The following MED27 variants were observed in gnomAD, a reference collection of about 807,000 sequenced individuals.
MED27 encodes mediator of RNA polymerase II transcription subunit 27.
Under a neutral mutation model 38.2 loss-of-function variants are expected in MED27, and 30 were observed. The observed-to-expected ratio is 0.79, with a 90% CI of 0.59 to 1.07. MED27 has a LOEUF of 1.07. Ranked by LOEUF, MED27 falls within the 50% of genes least tolerant of loss-of-function variation. The probability of loss-of-function intolerance (pLI) is 0.00; values close to 1 mark genes in which losing one functional copy is unlikely to be tolerated. For synonymous variants in MED27, 122 were observed against 153.5 expected, an observed-to-expected ratio of 0.79 and a Z score of 1.52; for missense variants, 289 against 397.5, an observed-to-expected ratio of 0.73 and a Z score of 2.32.
intron 4 of MED27, among the ~76,000 whole-genome samples, chr9:131,911,137 C>T (rs865831407): frequency 8.5e-5 from 13 of 152,050 alleles, no homozygotes; most frequent in African/African-American, 2.7e-4. Context: ...CAATAGTGCA[C>T]CAATAAAGAG....
chr9:131,911,489 G>A (rs1830187104), intron 4 of MED27, among the ~76,000 whole-genome samples: 1 of 152,176 alleles, frequency 6.6e-6, no homozygotes, highest in South Asian at 2.1e-4. Context: ...TAAGGGTTTG[G>A]AACAATGGGT....
At chr9:131,903,125 G>A (rs528058779) in intron 4 of MED27, among the ~76,000 whole-genome samples, 4 of 152,284 alleles carry the variant, frequency 2.6e-5, no homozygotes, top group South Asian at 2.1e-4. Flanking sequence ...AGACATAACC[G>A]ACATTGGGCA....
chr9:132,068,149 G>A (rs1475939793), intron 2 of MED27, among the ~76,000 whole-genome samples: 1 of 152,114 alleles, frequency 6.6e-6, no homozygotes, highest in African/African-American at 2.4e-5. Flanking sequence ...GGCCTGTGCT[G>A]GGGCTGCTAA....
At chr9:132,065,284 G>A (rs1014825431) in intron 2 of MED27, among the ~76,000 whole-genome samples, 2 of 152,198 alleles carry the variant, frequency 1.3e-5, no homozygotes, top group Non-Finnish European at 2.9e-5. Context: ...TAAGTAATCA[G>A]TAATCAGTGA....
chr9:131,900,624 T>C (rs571781275), intron 4 of MED27, among the ~76,000 whole-genome samples: 1 of 152,100 alleles, frequency 6.6e-6, no homozygotes, highest in East Asian at 1.9e-4. Flanking sequence ...AAAACTTACC[T>C]GCACGAGGAA....
At chr9:132,069,091 T>C (rs928093546) in intron 2 of MED27, among the ~76,000 whole-genome samples, 2 of 152,162 alleles carry the variant, frequency 1.3e-5, no homozygotes, top group Admixed American at 6.5e-5. Context: ...GAAGAGGAAA[T>C]GCCCTTCATA....
At chr9:132,012,736 T>C (rs1413687677) in intron 3 of MED27, among the ~76,000 whole-genome samples, 2 of 152,144 alleles carry the variant, frequency 1.3e-5, no homozygotes, top group African/African-American at 4.8e-5. Context: ...GCACTAAGCA[T>C]AACTACAAAT....
chr9:131,908,683 C>T (rs1216764192), intron 4 of MED27, among the ~76,000 whole-genome samples: 2 of 152,066 alleles, frequency 1.3e-5, no homozygotes, highest in Non-Finnish European at 2.9e-5. Context: ...AGGCAGCATG[C>T]TCGTTAAGAG....
At chr9:131,957,664 C>T (rs529205902) in intron 3 of MED27, among the ~76,000 whole-genome samples, 11 of 152,262 alleles carry the variant, frequency 7.2e-5, no homozygotes, top group African/African-American at 2.4e-4. Context: ...CAATGAAATA[C>T]TACTCCATAA....
chr9:132,041,743 A>T (rs1488351573), intron 2 of MED27, among the ~76,000 whole-genome samples: 1 of 152,268 alleles, frequency 6.6e-6, no homozygotes, highest in Non-Finnish European at 1.5e-5. Context: ...GCCAAAGTCC[A>T]AATCAGTACG....
chr9:131,874,151 C>T (rs373559754), intron 6 of MED27, among the ~76,000 whole-genome samples: 20 of 152,346 alleles, frequency 1.3e-4, no homozygotes, highest in South Asian at 1.0e-3. Flanking sequence ...ATCCGCCTCC[C>T]GCCCCAACAC....
chr9:131,995,433 C>T (rs1220760017), intron 3 of MED27, among the ~76,000 whole-genome samples: 4 of 152,080 alleles, frequency 2.6e-5, no homozygotes, highest in Non-Finnish European at 5.9e-5. Flanking sequence ...ATGACAGAGA[C>T]CATCATCAAG....
intron 4 of MED27, among the ~76,000 whole-genome samples, chr9:131,908,217 C>A (rs1830111966): frequency 6.8e-6 from 1 of 148,146 alleles, no homozygotes; most frequent in African/African-American, 2.5e-5. Context: ...TGAGGAGCCC[C>A]TCTGCCCGGC....
intron 2 of MED27, among the ~76,000 whole-genome samples, chr9:132,038,873 G>A (rs1213158271): frequency 6.6e-6 from 1 of 152,142 alleles, no homozygotes; most frequent in African/African-American, 2.4e-5. Context: ...GATGGGTGCC[G>A]TGGCAGGGCT....
intron 3 of MED27, among the ~76,000 whole-genome samples, chr9:131,946,969 A>G (rs1246966360): frequency 3.3e-5 from 5 of 152,186 alleles, no homozygotes; most frequent in Admixed American, 3.3e-4. Flanking sequence ...TTGTCATTAA[A>G]TAATTTTTTG....
At chr9:131,878,793 C>G (rs915266921) in intron 6 of MED27, among the ~76,000 whole-genome samples, 1 of 152,196 alleles carries the variant, frequency 6.6e-6, no homozygotes, top group Non-Finnish European at 1.5e-5. Flanking sequence ...TTTCCTGGCT[C>G]TTTGTGATTC....
At chr9:131,935,708 G>A (rs12685129) in intron 4 of MED27, among the ~76,000 whole-genome samples, 38,105 of 152,068 alleles carry the variant, frequency 0.25, 5,222 homozygotes, top group East Asian at 0.38. Flanking sequence ...ACCACGGGTC[G>A]GGAGGCAGGG....
intron 4 of MED27, among the ~76,000 whole-genome samples, chr9:131,900,183 A>G (rs1829912992): frequency 6.6e-6 from 1 of 152,196 alleles, no homozygotes; most frequent in African/African-American, 2.4e-5. Flanking sequence ...CCATCTGGCC[A>G]TCGCCTCCCA....
chr9:131,861,767 C>CT lies in MED27; in HGVS notation c.802-1096dup, dbSNP rs66880335. Among the ~76,000 whole-genome samples, 265 of 145,188 alleles carry CT rather than the reference C, an allele frequency of 1.8e-3. No individual in the cohort carries two copies. The highest frequency in any genetic ancestry group is 4.9e-3 in the African/African-American group (186 of 38,140). On this transcript the variant is annotated intron_variant, in intron 7 of 7. Coordinates refer to ENST00000292035, the MANE Select transcript of MED27 (RefSeq NM_004269.4). The surrounding 1 kb of genome is among the most constrained non-coding windows in gnomAD (Gnocchi z 4.4). Reference sequence around the variant, plus strand: ...AGTGCTGTGACAGATGTAAATGGTTCTTTTTTTTTTTTTTTTTTTTTATGA... The same window carrying CT: ...AGTGCTGTGACAGATGTAAATGGTTCTTTTTTTTTTTTTTTTTTTTTTATGA...
Sources: gnomAD v4.1 joint callset for allele counts (sites outside exome capture counted in the v4.1 genomes callset) on GRCh38, gnomAD v4.1.1 for gene constraint, Gnocchi (gnomAD v3.1) non-coding constraint, MANE v1.5 for transcripts, NCBI Gene and HGNC (gene_info 2026-07-23, HGNC 2026-07-21) for gene names.